SLC15A2: variants seen among roughly 807,000 people sequenced by gnomAD.
SLC15A2 encodes the protein kidney H(+)/peptide cotransporter.
Under a neutral mutation model 95.5 loss-of-function variants are expected in SLC15A2, and 77 were observed. The ratio of observed to expected loss-of-function variants is 0.81; its 90% CI spans 0.67 to 0.97. The LOEUF (loss-of-function observed/expected upper bound fraction) is 0.97. SLC15A2 is among the 50% of genes least tolerant of loss of function. The probability of loss-of-function intolerance (pLI) is 0.00; values close to 1 mark genes in which losing one functional copy is unlikely to be tolerated. For missense variants in SLC15A2, 893 were observed against 874.4 expected (o/e 1.02, Z -0.27); for synonymous variants, 306 against 306.9 (o/e 1.00, Z 0.03).
chr3:121,934,132 T>C (rs1388075881), intron 19 of SLC15A2, among the ~76,000 whole-genome samples: 1 of 152,238 alleles, frequency 6.6e-6, no homozygotes, highest in Non-Finnish European at 1.5e-5. Context: ...ATCTCTGTTT[T>C]GGTACCAGTA....
chr3:121,928,425 T>C lies in SLC15A2; in HGVS notation c.1211T>C (p.Met404Thr). 1.2e-6 allele frequency: 2 copies of C among 1,613,416 alleles called. No homozygotes were observed. ...AAAVEIKINE[M>T]APAQPGPQEV... ...ACATGTGTTCTTTGCTCTAAGGAAA[T>C]GGCCCCAGCCCAGCCAGGTCCCCAG... The change falls in exon 15 of 22, where the codon ATG becomes ACG. Residue 404 changes from methionine to threonine, a missense_variant. Met to Thr is a moderately conservative substitution (Grantham distance 81). Transcript: ENST00000489711.
chr3:121,917,502 A>G (rs1330219978), intron 7 of SLC15A2, among the ~76,000 whole-genome samples: 1 of 152,106 alleles, frequency 6.6e-6, no homozygotes, highest in Admixed American at 6.5e-5. Flanking sequence ...CATCCTGGAC[A>G]ACACAGCATG....
At chr3:121,906,350 C>T (rs573866169) in intron 3 of SLC15A2, among the ~76,000 whole-genome samples, 6 of 152,286 alleles carry the variant, frequency 3.9e-5, no homozygotes, top group Middle Eastern at 3.4e-3. Context: ...GGCATTCAGC[C>T]CATTTACATT....
intron 12 of SLC15A2, 92 bp downstream of exon 12, chr3:121,924,475 C>T: frequency 8.6e-7 from 1 of 1,165,402 alleles, no homozygotes; most frequent in Non-Finnish European, 1.3e-6. Context: ...TAATTTGATG[C>T]TTTTCTCCTT....
intron 19 of SLC15A2, among the ~76,000 whole-genome samples, chr3:121,934,541 C>T (rs1010621085): frequency 2.7e-5 from 4 of 149,178 alleles, no homozygotes; most frequent in African/African-American, 9.8e-5. Flanking sequence ...AATGGGAGTT[C>T]ACTCATGATT....
chr3:121,932,950 C>T (rs1710262299), intron 19 of SLC15A2, among the ~76,000 whole-genome samples: 1 of 151,916 alleles, frequency 6.6e-6, no homozygotes, highest in Non-Finnish European at 1.5e-5. Context: ...TGTGATGTTC[C>T]CCTTCCTGTG....
At chr3:121,929,412 T>G (rs1396900257) in intron 17 of SLC15A2, 64 bp downstream of exon 17, 13 of 1,531,598 alleles carry the variant, frequency 8.5e-6, no homozygotes, top group Non-Finnish European at 1.2e-5. Context: ...CTTCTAATCT[T>G]TGGGGCTGCA....
At chr3:121,928,676 T>C in intron 15 of SLC15A2, 121 bp downstream of exon 15, 1 of 1,115,506 alleles carries the variant, frequency 9.0e-7, no homozygotes, top group Non-Finnish European at 1.3e-6. Context: ...GAGCACATGA[T>C]TTTAATGGGC....
At chr3:121,897,641 T>A in intron 3 of SLC15A2, 112 bp downstream of exon 3, 1 of 1,050,624 alleles carries the variant, frequency 9.5e-7, no homozygotes. Flanking sequence ...GCGTGAAAAA[T>A]AAGAATCTCT....
chr3:121,936,903 C>G (rs548886870), intron 19 of SLC15A2, among the ~76,000 whole-genome samples: 2 of 146,970 alleles, frequency 1.4e-5, no homozygotes, highest in African/African-American at 5.1e-5. Context: ...CGGCTGGTAC[C>G]GGTTGTTCCT....
chr3:121,940,846 TTGTTTTCC>T lies in SLC15A2; in HGVS notation c.2032_2039del (p.Phe678ProfsTer30). On this transcript the variant is annotated frameshift_variant, in exon 22 of 22. Coordinates refer to ENST00000489711, the MANE Select transcript of SLC15A2 (RefSeq NM_021082.4). LOFTEE classifies it high-confidence loss of function. ...CCCCCTGCAGTGGGCCGAATTCATTTTGTTTTCCTGCCTCCTGCTGGTGATCTGCCTGA... is the reference window on the plus strand; with the variant it reads ...CCCCCTGCAGTGGGCCGAATTCATTTTGCCTCCTGCTGGTGATCTGCCTGA... 6.2e-7 allele frequency: 1 copy of T among 1,612,174 alleles called. No homozygotes were observed. Among genetic ancestry groups the T allele is most frequent in the Non-Finnish European group, 8.5e-7 (1 of 1,179,488 alleles).
Position 121,915,236 on chromosome 3 carries a change from C to T in SLC15A2, c.538C>T (p.Arg180Trp), listed in dbSNP as rs371451053. The T allele has an allele frequency of 2.0e-5, 32 of 1,612,048 alleles. No individual in the cohort carries two copies. The East Asian group carries it at 2.9e-4, about 15-fold the overall frequency. The change falls in exon 6 of 22, where the codon CGG becomes TGG. Residue 180 changes from arginine (R) to tryptophan (W), a missense_variant. Physicochemically the swap from Arg to Trp is moderately radical, Grantham distance 101. Coordinates refer to ENST00000489711, the MANE Select transcript of SLC15A2 (RefSeq NM_021082.4). The part of the protein sequence containing the change: ...DQFEEKHAEE[R>W]TRYFSVFYLS... ...ATCCTGTTTGTTTCAGGCAGAGGAA[C>T]GGACTAGATACTTCTCAGTCTTCTA...
At position 121,941,020 on chromosome 3, in the gene SLC15A2, T is replaced by G. The variant is rs1710454313; in HGVS notation, c.*13T>G. The G allele has an allele frequency of 1.2e-6, 2 of 1,609,708 alleles. No homozygotes were observed. Among genetic ancestry groups the G allele is most frequent in the Non-Finnish European group, 1.7e-6 (2 of 1,178,120 alleles). On this transcript the variant is annotated 3_prime_UTR_variant, in exon 22 of 22. Transcript: ENST00000489711. ...GACAAAACTCTGATGACTCCCTAGATTCTGTCCTGACCCCAATTCCTGGCC... is the reference window on the plus strand; with the variant it reads ...GACAAAACTCTGATGACTCCCTAGAGTCTGTCCTGACCCCAATTCCTGGCC...
At chr3:121,940,103 G>A (rs1440634870) in intron 20 of SLC15A2, among the ~76,000 whole-genome samples, 1 of 152,108 alleles carries the variant, frequency 6.6e-6, no homozygotes, top group African/African-American at 2.4e-5. Flanking sequence ...ACTGCGCCCA[G>A]TCTGTAATAC....
Position 121,929,061 on chromosome 3 carries a change from C to G in SLC15A2, c.1421C>G (p.Ser474Cys). The change falls in exon 16 of 22, where the codon TCT becomes TGT. Residue 474 changes from serine (S) to cysteine (C), a missense_variant. By Grantham distance (112) the Ser-to-Cys change is moderately radical (BLOSUM62 -1). Coordinates refer to ENST00000489711, the MANE Select transcript of SLC15A2 (RefSeq NM_021082.4). Reference sequence around the variant, plus strand: ...TTCCACCTGAAATATCACAATTTGTCTCTCTACACTGAGCATTCTGTGCAG... The same window carrying G: ...TTCCACCTGAAATATCACAATTTGTGTCTCTACACTGAGCATTCTGTGCAG... ...FHFHLKYHNL[S>C]LYTEHSVQEK... 6.2e-7 allele frequency: 1 copy of G among 1,614,106 alleles called. No homozygotes were observed. Among genetic ancestry groups the G allele is most frequent in the Non-Finnish European group, 8.5e-7 (1 of 1,179,984 alleles).
intron 19 of SLC15A2, among the ~76,000 whole-genome samples, chr3:121,936,428 G>C (rs181274085): frequency 6.6e-6 from 1 of 152,164 alleles, no homozygotes; most frequent in African/African-American, 2.4e-5. Context: ...CTGAGGACTT[G>C]CTTTATGACT....
In SLC15A2 at chr3:121,923,204, A is replaced by G. The variant is rs781137663; in HGVS notation, c.958-18A>G. 6.2e-6 allele frequency: 10 copies of G among 1,613,970 alleles called. No homozygotes were observed. Among genetic ancestry groups the G allele is most frequent in the African/African-American group, 4.0e-5 (3 of 75,038 alleles). On this transcript the variant is annotated intron_variant, in intron 10 of 21. Coordinates refer to ENST00000489711, the MANE Select transcript of SLC15A2 (RefSeq NM_021082.4). ...TCACAGGAAAGGGATTTCTCATAAC[A>G]GGATCTGTTTGCCCTAGGGTTCACG...
chr3:121,903,610 C>T (rs1338267060), intron 3 of SLC15A2, among the ~76,000 whole-genome samples: 2 of 152,116 alleles, frequency 1.3e-5, no homozygotes, highest in Non-Finnish European at 2.9e-5. Context: ...AATAGGGAAT[C>T]CTTTCCCCAT....
chr3:121,928,338 G>A, intron 14 of SLC15A2, 83 bp from the exon 15 acceptor site: 2 of 1,509,928 alleles, frequency 1.3e-6, no homozygotes, highest in South Asian at 2.6e-5. Context: ...GGACTAGGCT[G>A]TCAGAAACAA....
Sources: allele counts gnomAD v4.1 joint callset (sites outside exome capture counted in the v4.1 genomes callset), GRCh38; gene constraint gnomAD v4.1.1; transcripts MANE v1.5; gene names NCBI Gene and HGNC (gene_info 2026-07-23, HGNC 2026-07-21).